The following SLC12A6 variants were observed in gnomAD, a reference collection of about 807,000 sequenced individuals.
The protein encoded by SLC12A6 is solute carrier family 12 member 6.
In SLC12A6, 66 loss-of-function variants were observed where a neutral mutation model predicts 135.3. The ratio of observed to expected loss-of-function variants is 0.49; its 90% CI spans 0.40 to 0.60. SLC12A6 has a LOEUF of 0.60. Among genes scored for constraint, SLC12A6 ranks in the 20% least tolerant of loss-of-function variants. SLC12A6 has a pLI of 0.00. For synonymous variants in SLC12A6, 513 were observed against 508.8 expected, an observed-to-expected ratio of 1.01 and a Z score of -0.11; for missense variants, 1,058 against 1,452.3, an observed-to-expected ratio of 0.73 and a Z score of 4.41.
chr15:34,337,039 T>A (rs1046452352), intron 1 of SLC12A6: 3 of 344,786 alleles, frequency 8.7e-6, no homozygotes, highest in Non-Finnish European at 1.6e-5. Flanking sequence ...GGGCAGCAGA[T>A]GAAGCCTCCC....
intron 20 of SLC12A6, 64 bp from the exon 21 acceptor site, chr15:34,238,465 G>A (rs1357058798): frequency 4.1e-6 from 5 of 1,231,848 alleles, no homozygotes; most frequent in Non-Finnish European, 4.7e-6. Flanking sequence ...TAGCATGTCA[G>A]GAAAGCAAGG....
chr15:34,298,940 C>T (rs1896062021), intron 2 of SLC12A6, among the ~76,000 whole-genome samples: 1 of 152,188 alleles, frequency 6.6e-6, no homozygotes, highest in Non-Finnish European at 1.5e-5. Flanking sequence ...TAAAATTCTG[C>T]CTTTATCAGT....
intron 6 of SLC12A6, chr15:34,257,424 G>T: frequency 1.9e-6 from 1 of 520,122 alleles, no homozygotes; most frequent in Non-Finnish European, 3.5e-6. Context: ...GTCTTGCTTT[G>T]TAATTTCTAG....
chr15:34,286,100 G>A (rs1212500113), intron 2 of SLC12A6, among the ~76,000 whole-genome samples: 1 of 151,242 alleles, frequency 6.6e-6, no homozygotes, highest in Non-Finnish European at 1.5e-5. Context: ...TTTTTAAACA[G>A]TCTTGCTCTG....
chr15:34,256,386 T>C (rs1243015181), intron 6 of SLC12A6, 103 bp from the exon 7 acceptor site: 1 of 782,848 alleles, frequency 1.3e-6, no homozygotes, highest in African/African-American at 1.7e-5. Flanking sequence ...CATTTAACTC[T>C]ACCTACTTTT....
At chr15:34,276,097 T>G (rs1894279747) in intron 2 of SLC12A6, among the ~76,000 whole-genome samples, 1 of 152,110 alleles carries the variant, frequency 6.6e-6, no homozygotes, top group South Asian at 2.1e-4. Flanking sequence ...TAAACATGGT[T>G]AAAATGGTAA....
chr15:34,245,262 T>C (rs760270867), intron 15 of SLC12A6, 23 bp downstream of exon 15: 1 of 1,188,696 alleles, frequency 8.4e-7, no homozygotes, highest in Non-Finnish European at 1.3e-6. Flanking sequence ...CAAGAATAAC[T>C]GAAGAGAATC....
intron 15 of SLC12A6, among the ~76,000 whole-genome samples, chr15:34,244,360 A>G (rs368536945): frequency 6.6e-6 from 1 of 152,144 alleles, no homozygotes; most frequent in East Asian, 1.9e-4. Context: ...TTCTATTTAA[A>G]AATCTCTTAA....
chr15:34,243,925 A>C, intron 16 of SLC12A6, 49 bp downstream of exon 16: 1 of 1,115,568 alleles, frequency 9.0e-7, no homozygotes, highest in Non-Finnish European at 1.4e-6. Context: ...TAGTTCAAAG[A>C]TGGGTTCTCT....
intron 2 of SLC12A6, among the ~76,000 whole-genome samples, chr15:34,333,994 C>T (rs1358739834): frequency 3.3e-5 from 5 of 150,810 alleles, no homozygotes; most frequent in Non-Finnish European, 5.9e-5. Context: ...CACTGGAACC[C>T]GGGAGACAGA....
chr15:34,295,877 G>A (rs1895845047), intron 2 of SLC12A6, among the ~76,000 whole-genome samples: 1 of 152,146 alleles, frequency 6.6e-6, no homozygotes, highest in African/African-American at 2.4e-5. Flanking sequence ...GCACATGCGT[G>A]TAAGCCCAGC....
intron 19 of SLC12A6, among the ~76,000 whole-genome samples, chr15:34,239,625 C>T (rs551583110): frequency 6.6e-5 from 10 of 152,252 alleles, no homozygotes; most frequent in Admixed American, 2.6e-4. Context: ...TTTTCTTTTT[C>T]GCCTCTCCCA....
rs181141237 is a variant in SLC12A6 at position 34,317,475 on chromosome 15, G to C, written c.271+18935C>G. Among the ~76,000 whole-genome samples the C allele has an allele frequency of 1.9e-3, 285 of 152,300 alleles. 2 individuals are homozygous for C. Among genetic ancestry groups the C allele is most frequent in the African/African-American group, 6.6e-3 (274 of 41,554 alleles). ...TCCCAGCACTTTGGGAGGCAGAAGC[G>C]GGGGATCGCTTGAGGTCAGGAGTTT... On this transcript the variant is annotated intron_variant, in intron 2 of 25. Coordinates refer to ENST00000354181, the MANE Select transcript of SLC12A6 (RefSeq NM_001365088.1).
At chr15:34,294,317 C>T (rs1895736527) in intron 2 of SLC12A6, among the ~76,000 whole-genome samples, 1 of 152,094 alleles carries the variant, frequency 6.6e-6, no homozygotes, top group Admixed American at 6.5e-5. Flanking sequence ...ACTGCAAACT[C>T]CACCTCCCTG....
At chr15:34,284,823 TTAGA>T (rs1894938820) in intron 2 of SLC12A6, among the ~76,000 whole-genome samples, 1 of 152,150 alleles carries the variant, frequency 6.6e-6, no homozygotes, top group Non-Finnish European at 1.5e-5. Context: ...GTGTGCACAC[TTAGA>T]TACTCAGTCT....
chr15:34,265,785 G>C (rs1893471374), intron 3 of SLC12A6, among the ~76,000 whole-genome samples: 1 of 152,116 alleles, frequency 6.6e-6, no homozygotes. Context: ...CAGGCAGAGG[G>C]AACACAGCAA....
chr15:34,291,953 T>C (rs1243144353), intron 2 of SLC12A6, among the ~76,000 whole-genome samples: 1 of 152,126 alleles, frequency 6.6e-6, no homozygotes, highest in Non-Finnish European at 1.5e-5. Context: ...CGGAGAAGTT[T>C]GTTATTACCG....
intron 2 of SLC12A6, among the ~76,000 whole-genome samples, chr15:34,302,589 G>A (rs1896329243): frequency 6.6e-6 from 1 of 152,136 alleles, no homozygotes; most frequent in Admixed American, 6.6e-5. Flanking sequence ...CAGCTACTCG[G>A]GAGGCTGAGG....
rs1404372474 is a variant in SLC12A6, at chr15:34,232,229, G to A, written c.*1652C>T. 1 of 151,990 alleles carries A rather than the reference G, an allele frequency of 6.6e-6. No individual in the cohort carries two copies. Among genetic ancestry groups the A allele is most frequent in the African/African-American group, 2.4e-5 (1 of 41,382 alleles). The allele number at this position is 151,990 out of a possible 1,614,324, so 9.4% of individuals were successfully genotyped here. Reference sequence around the variant, plus strand: ...CTGAGCTTACACAAGTATTTCCTTGGCACACTGAACTTTCTTTTTGAAACA... The same window carrying A: ...CTGAGCTTACACAAGTATTTCCTTGACACACTGAACTTTCTTTTTGAAACA... On this transcript the variant is annotated 3_prime_UTR_variant, in exon 26 of 26. Transcript: ENST00000354181.
Sources: gnomAD v4.1 joint callset for allele counts (sites outside exome capture counted in the v4.1 genomes callset) on GRCh38, gnomAD v4.1.1 for gene constraint, MANE v1.5 for transcripts, NCBI Gene and HGNC (gene_info 2026-07-23, HGNC 2026-07-21) for gene names.